ANKS1B: variants seen among roughly 807,000 people sequenced by gnomAD.
ANKS1B encodes ankyrin repeat and sterile alpha motif domain containing 1B, also known as ankyrin repeat and sterile alpha motif domain-containing protein 1B.
A neutral mutation model predicts 148.3 loss-of-function variants in ANKS1B; 36 were observed. The ratio of observed to expected loss-of-function variants is 0.24; its 90% confidence interval spans 0.19 to 0.32. The LOEUF is 0.32. ANKS1B is among the 10% of genes least tolerant of loss of function. ANKS1B has a pLI of 1.00. For synonymous variants in ANKS1B, 542 were observed against 560.8 expected (o/e 0.97, Z 0.47); for missense variants, 1,157 against 1,542.6 (o/e 0.75, Z 4.19).
chr12:98,813,408 G>T (rs556853981), intron 19 of ANKS1B, among the ~76,000 whole-genome samples: 1 of 151,166 alleles, frequency 6.6e-6, no homozygotes, highest in Admixed American at 6.6e-5. Flanking sequence ...GTAGAGAGGA[G>T]GTCTTGCTAT....
intron 7 of ANKS1B, among the ~76,000 whole-genome samples, chr12:99,774,734 T>C (rs945571536): frequency 6.6e-5 from 10 of 152,084 alleles, no homozygotes; most frequent in Non-Finnish European, 1.3e-4. Flanking sequence ...ACAACTGAAG[T>C]ATACACTGTC....
intron 1 of ANKS1B, among the ~76,000 whole-genome samples, chr12:99,831,408 A>G (rs1015050324): frequency 3.3e-5 from 5 of 152,194 alleles, no homozygotes; most frequent in South Asian, 2.1e-4. Flanking sequence ...AAGCTTTCAT[A>G]GTGTGCAAAT....
chr12:98,809,315 G>A (rs1319356622), intron 19 of ANKS1B, among the ~76,000 whole-genome samples: 1 of 152,154 alleles, frequency 6.6e-6, no homozygotes, highest in African/African-American at 2.4e-5. Flanking sequence ...TGTTGGCCTT[G>A]TCTCCAATAG....
In ANKS1B at chr12:98,948,947, C is replaced by CTTTTTTTTT. The variant is rs869145338; in HGVS notation, c.2778+104201_2778+104209dup. 7.0e-4 allele frequency among the ~76,000 whole-genome samples: 59 copies of CTTTTTTTTT among 84,860 alleles called. 7 individuals carry two copies. The highest frequency in any genetic ancestry group is 1.9e-3 in the African/African-American group (28 of 14,734). The allele number at this position is 84,860 out of a possible 152,430, so 55.7% of individuals were successfully genotyped here. A position where few individuals can be genotyped will look rare whatever the true frequency, so the allele number is the denominator to read the frequency against. On this transcript the variant is annotated intron_variant, in intron 17 of 26. Transcript: ENST00000683438. ...AGGGGTGAGATATGAGCATGAGCTA[C>CTTTTTTTTT]TTTTTTTTTTTTTTTTTTTTTTTGA...
chr12:99,977,109 C>T (rs935422929), intron 1 of ANKS1B, among the ~76,000 whole-genome samples: 3 of 152,132 alleles, frequency 2.0e-5, no homozygotes, highest in Non-Finnish European at 4.4e-5. Context: ...ATGCAGAGCC[C>T]TCATGGCCTA....
intron 9 of ANKS1B, among the ~76,000 whole-genome samples, chr12:99,539,866 C>G (rs1171250058): frequency 6.6e-6 from 1 of 151,940 alleles, no homozygotes; most frequent in Non-Finnish European, 1.5e-5. Flanking sequence ...AGCCACTGAG[C>G]CAAGCCAGAT....
intron 16 of ANKS1B, among the ~76,000 whole-genome samples, chr12:99,072,769 C>T (rs966802760): frequency 6.6e-6 from 1 of 152,158 alleles, no homozygotes; most frequent in Non-Finnish European, 1.5e-5. Context: ...AATAGTTCTC[C>T]ATAGCATTTA....
At chr12:99,056,169 T>C (rs1599118884) in intron 16 of ANKS1B, among the ~76,000 whole-genome samples, 2 of 152,278 alleles carry the variant, frequency 1.3e-5, no homozygotes, top group Non-Finnish European at 2.9e-5. Context: ...GTGGAAATGG[T>C]AGAGAACAAA....
At chr12:99,545,054 T>A (rs1309177709) in intron 9 of ANKS1B, among the ~76,000 whole-genome samples, 1 of 152,176 alleles carries the variant, frequency 6.6e-6, no homozygotes, top group Non-Finnish European at 1.5e-5. Context: ...GAAGGTTACC[T>A]TAATTGATAG....
chr12:99,053,006 A>G (rs966848106), intron 17 of ANKS1B, 151 bp downstream of exon 17: 2 of 674,706 alleles, frequency 3.0e-6, no homozygotes, highest in African/African-American at 1.9e-5. Flanking sequence ...TTCAAAAGAC[A>G]ATGACTCTGG....
intron 1 of ANKS1B, among the ~76,000 whole-genome samples, chr12:99,865,314 C>T (rs1393691996): frequency 3.9e-5 from 6 of 152,034 alleles, no homozygotes; most frequent in African/African-American, 1.5e-4. Context: ...TAATTGACTC[C>T]AGTGATATTT....
chr12:99,329,813 G>C (rs1347055627), intron 12 of ANKS1B, among the ~76,000 whole-genome samples: 1 of 151,638 alleles, frequency 6.6e-6, no homozygotes, highest in South Asian at 2.1e-4. Flanking sequence ...TCTACCAGCT[G>C]TTTATATGTT....
chr12:99,000,575 T>G (rs1205465757), intron 17 of ANKS1B, among the ~76,000 whole-genome samples: 1 of 152,230 alleles, frequency 6.6e-6, no homozygotes, highest in Non-Finnish European at 1.5e-5. Context: ...GGCCAGGGCC[T>G]TCTTTTTTAA....
At chr12:99,783,201 AAAAAG>A (rs1347123284) in intron 4 of ANKS1B, among the ~76,000 whole-genome samples, 18 of 151,782 alleles carry the variant, frequency 1.2e-4, no homozygotes, top group Non-Finnish European at 2.5e-4. Context: ...AAAAAAAAAA[AAAAAG>A]AAAAGAAAAA....
intron 8 of ANKS1B, among the ~76,000 whole-genome samples, chr12:99,718,024 C>A (rs2057598755): frequency 2.0e-5 from 3 of 151,340 alleles, no homozygotes; most frequent in Admixed American, 2.0e-4. Context: ...CTGCCTCAGC[C>A]TCCCGAGTAG....
At chr12:99,875,016 C>A (rs11110079) in intron 1 of ANKS1B, among the ~76,000 whole-genome samples, 12,014 of 152,122 alleles carry the variant, frequency 0.079, 557 homozygotes, top group South Asian at 0.12. Flanking sequence ...AATAACTTAA[C>A]CTCTCCTGGC....
At chr12:98,880,372 C>A (rs1438349664) in intron 17 of ANKS1B, among the ~76,000 whole-genome samples, 1 of 152,142 alleles carries the variant, frequency 6.6e-6, no homozygotes, top group Non-Finnish European at 1.5e-5. Context: ...AGGAAGGTAG[C>A]ACTGATATGG....
intron 14 of ANKS1B, among the ~76,000 whole-genome samples, chr12:99,210,162 A>C (rs1213312770): frequency 6.6e-6 from 1 of 151,930 alleles, no homozygotes; most frequent in African/African-American, 2.4e-5. Context: ...TTGGTGCCAA[A>C]TCTGTAAGAG....
chr12:99,977,080 G>A (rs183389688), intron 1 of ANKS1B, among the ~76,000 whole-genome samples: 2 of 152,100 alleles, frequency 1.3e-5, no homozygotes, highest in African/African-American at 4.8e-5. Flanking sequence ...CCACAATAAT[G>A]GCATTAATCC....
Sources: allele counts gnomAD v4.1 joint callset (sites outside exome capture counted in the v4.1 genomes callset), GRCh38; gene constraint gnomAD v4.1.1; transcripts MANE v1.5; gene names NCBI Gene and HGNC (gene_info 2026-07-23, HGNC 2026-07-21).